Variants in DPYSL2 observed in about 807,000 individuals in gnomAD.
The protein encoded by DPYSL2 is dihydropyrimidinase like 2, also known as dihydropyrimidinase-related protein 2.
In DPYSL2, 13 loss-of-function variants were observed where a neutral mutation model predicts 69.9. The ratio of observed to expected loss-of-function variants is 0.19; its 90% confidence interval spans 0.12 to 0.30. DPYSL2 has a LOEUF of 0.30. Ranked by LOEUF, DPYSL2 falls within the 10% of genes least tolerant of loss-of-function variation. The pLI is 1.00. For missense variants in DPYSL2, 587 were observed against 918.9 expected (o/e 0.64, Z 4.67); for synonymous variants, 326 against 359.1 (o/e 0.91, Z 1.04).
Position 26,516,420 on chromosome 8 carries a change from G to A in DPYSL2, c.354+1741G>A, listed in dbSNP as rs1808291750. 6.6e-6 allele frequency among the ~76,000 whole-genome samples: 1 copy of A among 152,160 alleles called. No individual in the cohort carries two copies. ...TTGTGCTGGTGATTGTGATGTCCTA[G>A]AGAAAGCAGAAAAACAACTGGAGAA... is the stretch of plus-strand genomic sequence containing the variant. On this transcript the variant is annotated intron_variant, in intron 1 of 13. Transcript: ENST00000521913. The surrounding 1 kb of genome is among the most constrained non-coding windows in gnomAD (Gnocchi z 4.8).
At chr8:26,615,774 A>G (rs1302334686) in intron 3 of DPYSL2, among the ~76,000 whole-genome samples, 3 of 152,216 alleles carry the variant, frequency 2.0e-5, no homozygotes, top group African/African-American at 7.2e-5. Context: ...TTCAAAGATG[A>G]AAAAACTCAG....
In DPYSL2 at chr8:26,644,562, C is replaced by T. The variant is rs1365539288; in HGVS notation, c.1425+471C>T. On this transcript the variant is annotated intron_variant, in intron 10 of 13. Coordinates refer to ENST00000521913, the MANE Select transcript of DPYSL2 (RefSeq NM_001197293.3). The surrounding 1 kb of genome is among the most constrained non-coding windows in gnomAD (Gnocchi z 4.5). ...CCGGGTTTAAGCAATGCCTCGGCCT[C>T]CCAAAGTGCTGGGATTACAGGTGTG... is the stretch of plus-strand genomic sequence containing the variant. 6.6e-6 allele frequency among the ~76,000 whole-genome samples: 1 copy of T among 152,004 alleles called. No individual in the cohort carries two copies. The highest frequency in any genetic ancestry group is 2.4e-5 in the African/African-American group (1 of 41,358).
At chr8:26,576,642 G>A (rs1801350614) in intron 1 of DPYSL2, among the ~76,000 whole-genome samples, 1 of 152,242 alleles carries the variant, frequency 6.6e-6, no homozygotes, top group Non-Finnish European at 1.5e-5. Context: ...CCACGAAGGG[G>A]CCTTGAGTGC....
At chr8:26,556,647 T>C in intron 1 of DPYSL2, among the ~76,000 whole-genome samples, 1 of 151,852 alleles carries the variant, frequency 6.6e-6, no homozygotes, top group East Asian at 1.9e-4. Context: ...TTTTTTGTGT[T>C]CATAGATAGA....
At position 26,655,727 on chromosome 8, in the gene DPYSL2, C is replaced by A; in HGVS notation, c.*21C>A. ...GCTAGAGCTCCTGGGCTGTGCCGTCCACTGGGGACTGGGGATGGGACACCT... is the reference window on the plus strand; with the variant it reads ...GCTAGAGCTCCTGGGCTGTGCCGTCAACTGGGGACTGGGGATGGGACACCT... On this transcript the variant is annotated 3_prime_UTR_variant, in exon 14 of 14. Transcript: ENST00000521913. 6.3e-7 allele frequency: 1 copy of A among 1,576,718 alleles called. No homozygotes were observed. The highest frequency in any genetic ancestry group is 8.6e-7 in the Non-Finnish European group (1 of 1,160,422).
chr8:26,638,060 C>G (rs925753723), intron 8 of DPYSL2: 2 of 152,216 alleles, frequency 1.3e-5, no homozygotes, highest in African/African-American at 4.8e-5. Flanking sequence ...GCCACAGCCC[C>G]CTTTCTGATG....
Position 26,627,349 on chromosome 8 carries a change from G to T in DPYSL2, c.936+54G>T. 1.9e-6 allele frequency: 3 copies of T among 1,568,782 alleles called. No homozygotes were observed. Among genetic ancestry groups the T allele is most frequent in the East Asian group, 2.2e-5 (1 of 44,630 alleles). ...TCATCACCTGGAGGGTGAGAGGCAG[G>T]CTCAAGAAAGGGAAGCTGCATCTGT... is the stretch of plus-strand genomic sequence containing the variant. On this transcript the variant is annotated intron_variant, in intron 6 of 13. Transcript: ENST00000521913. The surrounding 1 kb of genome is among the most constrained non-coding windows in gnomAD (Gnocchi z 6.9).
intron 1 of DPYSL2, among the ~76,000 whole-genome samples, chr8:26,539,340 C>T (rs1800642934): frequency 6.6e-6 from 1 of 152,208 alleles, no homozygotes. Context: ...TTCACAATTC[C>T]TTTCCCAAAT....
chr8:26,540,539 C>T lies in DPYSL2; in HGVS notation c.354+25860C>T, dbSNP rs555055027. Reference sequence around the variant, plus strand: ...AAAGATCCCCAAATAGGATCAACCACGGAAGACTACAAGTGCTCCTTAACA... The same window carrying T: ...AAAGATCCCCAAATAGGATCAACCATGGAAGACTACAAGTGCTCCTTAACA... On this transcript the variant is annotated intron_variant, in intron 1 of 13. Coordinates refer to ENST00000521913, the MANE Select transcript of DPYSL2 (RefSeq NM_001197293.3). 6.6e-5 allele frequency among the ~76,000 whole-genome samples: 10 copies of T among 152,292 alleles called. No individual in the cohort carries two copies. In the South Asian group the frequency reaches 1.2e-3, roughly 19 times the overall value.
At position 26,586,200 on chromosome 8, in the gene DPYSL2, C is replaced by CT. The variant is rs1451836641; in HGVS notation, c.628+2218dup. On this transcript the variant is annotated intron_variant, in intron 3 of 13. Coordinates refer to ENST00000521913, the MANE Select transcript of DPYSL2 (RefSeq NM_001197293.3). The surrounding 1 kb of genome is among the most constrained non-coding windows in gnomAD (Gnocchi z 4.7). ...AGCCAGGAGTTAGGAGTCTGGAGTG[C>CT]TGGCCCCCTTCTGACACTGACTTGC... Among the ~76,000 whole-genome samples, 2 of 152,210 alleles carry CT rather than the reference C, an allele frequency of 1.3e-5. No individual in the cohort carries two copies. The highest frequency in any genetic ancestry group is 4.8e-5 in the African/African-American group (2 of 41,454).
intron 1 of DPYSL2, among the ~76,000 whole-genome samples, chr8:26,515,422 A>G (rs976842011): frequency 2.0e-5 from 3 of 152,214 alleles, no homozygotes; most frequent in African/African-American, 7.2e-5. Flanking sequence ...GAAGCGGGGA[A>G]CTAAGTGGAT....
Position 26,564,495 on chromosome 8 carries a change from G to A in DPYSL2, c.355-17474G>A, listed in dbSNP as rs17404686. On this transcript the variant is annotated intron_variant, in intron 1 of 13. Coordinates refer to ENST00000521913, the MANE Select transcript of DPYSL2 (RefSeq NM_001197293.3). This position sits in a 1 kb window ranked among gnomAD's most constrained non-coding sequence, Gnocchi z 4.8. Reference sequence around the variant, plus strand: ...GGGAATAATCCTTGAATGGGCTGACGTCTTCCTGTGAGACCTAGGGAAGGA... The same window carrying A: ...GGGAATAATCCTTGAATGGGCTGACATCTTCCTGTGAGACCTAGGGAAGGA... Among the ~76,000 whole-genome samples, 46 of 152,212 alleles carry A rather than the reference G, an allele frequency of 3.0e-4. No homozygotes were observed. Among genetic ancestry groups the A allele is most frequent in the Middle Eastern group, 3.4e-3 (1 of 294 alleles).
Position 26,514,986 on chromosome 8 carries a change from C to T in DPYSL2, c.354+307C>T, listed in dbSNP as rs1184385391. Among the ~76,000 whole-genome samples the T allele has an allele frequency of 3.3e-5, 5 of 152,208 alleles. No homozygotes were observed. The highest frequency in any genetic ancestry group is 5.9e-5 in the Non-Finnish European group (4 of 68,030). Reference sequence around the variant, plus strand: ...GGTGGTCGTCTGGGAGGGGGTTGGCCGCGGTTCCATTCTTCTGAAACCCTC... The same window carrying T: ...GGTGGTCGTCTGGGAGGGGGTTGGCTGCGGTTCCATTCTTCTGAAACCCTC... On this transcript the variant is annotated intron_variant, in intron 1 of 13. Coordinates refer to ENST00000521913, the MANE Select transcript of DPYSL2 (RefSeq NM_001197293.3). The surrounding 1 kb of genome is among the most constrained non-coding windows in gnomAD (Gnocchi z 8.4).
rs892533350 is a variant in DPYSL2 at position 26,598,635 on chromosome 8, T to C, written c.628+14652T>C. ...AGATTTGAGGCATTTGATCATTTTT[T>C]CCCGTTAGCTTACAGCACAAAGTAC... On this transcript the variant is annotated intron_variant, in intron 3 of 13. Coordinates refer to ENST00000521913, the MANE Select transcript of DPYSL2 (RefSeq NM_001197293.3). This position sits in a 1 kb window ranked among gnomAD's most constrained non-coding sequence, Gnocchi z 4.2. Among the ~76,000 whole-genome samples, 2 of 152,192 alleles carry C rather than the reference T, an allele frequency of 1.3e-5. No individual in the cohort carries two copies. Among genetic ancestry groups the C allele is most frequent in the Admixed American group, 6.5e-5 (1 of 15,284 alleles).
At chr8:26,577,301 G>C (rs371076768) in intron 1 of DPYSL2, 7 of 254,646 alleles carry the variant, frequency 2.7e-5, no homozygotes, top group South Asian at 2.1e-4. Context: ...GGGCGTGGCC[G>C]GGCCCTCCCC....
intron 1 of DPYSL2, among the ~76,000 whole-genome samples, chr8:26,576,235 A>ACATT (rs1168947237): frequency 3.3e-5 from 5 of 152,184 alleles, no homozygotes; most frequent in African/African-American, 9.7e-5. Flanking sequence ...GGAAGGACAG[A>ACATT]CATTCCCCTA....
rs1801454427 is a variant in DPYSL2 at position 26,580,009 on chromosome 8, C to T, written c.355-1960C>T. Among the ~76,000 whole-genome samples, 1 of 144,992 alleles carries T rather than the reference C, an allele frequency of 6.9e-6. No homozygotes were observed. Among genetic ancestry groups the T allele is most frequent in the African/African-American group, 2.5e-5 (1 of 39,252 alleles). On this transcript the variant is annotated intron_variant, in intron 1 of 13. Coordinates refer to ENST00000521913, the MANE Select transcript of DPYSL2 (RefSeq NM_001197293.3). This position sits in a 1 kb window ranked among gnomAD's most constrained non-coding sequence, Gnocchi z 4.1. ...GGTTGCATTATCATAGGACCTATAG[C>T]ATGGTATTCCTCCCTCCCTCACCAC... is the stretch of plus-strand genomic sequence containing the variant.
Position 26,598,807 on chromosome 8 carries a change from T to C in DPYSL2, c.628+14824T>C, listed in dbSNP as rs1801924905. 6.6e-6 allele frequency among the ~76,000 whole-genome samples: 1 copy of C among 152,160 alleles called. No individual in the cohort carries two copies. On this transcript the variant is annotated intron_variant, in intron 3 of 13. Coordinates refer to ENST00000521913, the MANE Select transcript of DPYSL2 (RefSeq NM_001197293.3). This position sits in a 1 kb window ranked among gnomAD's most constrained non-coding sequence, Gnocchi z 4.2. ...GACTTACACCTTGTTTATTGCAATC[T>C]TTCTTTCATTTTGCAGGCGGTGGGG...
At chr8:26,589,526 CT>C (rs1256929206) in intron 3 of DPYSL2, among the ~76,000 whole-genome samples, 2 of 152,226 alleles carry the variant, frequency 1.3e-5, no homozygotes, top group South Asian at 2.1e-4. Flanking sequence ...TGCCAAGAGA[CT>C]TAGTGTCACA....
Sources: allele counts gnomAD v4.1 joint callset (sites outside exome capture counted in the v4.1 genomes callset), GRCh38; gene constraint gnomAD v4.1.1; non-coding constraint Gnocchi (gnomAD v3.1); transcripts MANE v1.5; gene names NCBI Gene and HGNC (gene_info 2026-07-23, HGNC 2026-07-21).